The following ZNF385D variants were observed in gnomAD, a reference collection of about 807,000 sequenced individuals.
ZNF385D encodes the protein zinc finger protein 659.
ZNF385D carries 15 observed loss-of-function variants against 35.8 expected under a neutral mutation model. The ratio of observed to expected loss-of-function variants is 0.42; its 90% CI spans 0.28 to 0.64. The LOEUF (loss-of-function observed/expected upper bound fraction) is 0.64. ZNF385D is among the 30% of genes least tolerant of loss of function. ZNF385D has a pLI of 0.23. For missense variants in ZNF385D, 474 were observed against 494.6 expected (o/e 0.96, Z 0.39); for synonymous variants, 212 against 186.8 (o/e 1.13, Z -1.10).
intron 3 of ZNF385D, among the ~76,000 whole-genome samples, chr3:22,039,269 AAAAAG>A (rs540361314): frequency 0.056 from 7,830 of 140,182 alleles, 318 homozygotes; most frequent in African/African-American, 0.11. Context: ...AAAAAAAAAA[AAAAAG>A]AGTCTATGTA....
chr3:22,288,401 C>A (rs1250300231), intron 2 of ZNF385D, among the ~76,000 whole-genome samples: 1 of 151,752 alleles, frequency 6.6e-6, no homozygotes, highest in African/African-American at 2.4e-5. Flanking sequence ...TTGACCGTTT[C>A]CCATAATTTT....
At chr3:21,592,000 T>TC in intron 2 of ZNF385D, among the ~76,000 whole-genome samples, 1 of 152,266 alleles carries the variant, frequency 6.6e-6, no homozygotes, top group Non-Finnish European at 1.5e-5. Context: ...AACCCAATAC[T>TC]CCCGTTACTA....
chr3:21,998,992 G>A (rs960065138), intron 3 of ZNF385D, among the ~76,000 whole-genome samples: 4 of 152,104 alleles, frequency 2.6e-5, no homozygotes, highest in Admixed American at 6.5e-5. Context: ...GCATCCAATT[G>A]AGATAGTTTA....
At chr3:21,980,022 A>G (rs1272269879) in intron 3 of ZNF385D, among the ~76,000 whole-genome samples, 1 of 152,200 alleles carries the variant, frequency 6.6e-6, no homozygotes, top group Admixed American at 6.6e-5. Context: ...ACTAGGCCAT[A>G]AAAGGCATTG....
intron 3 of ZNF385D, among the ~76,000 whole-genome samples, chr3:21,930,920 A>G (rs576287665): frequency 6.6e-6 from 1 of 152,272 alleles, no homozygotes; most frequent in South Asian, 2.1e-4. Context: ...TTTCTTATAT[A>G]TAACATTAAA....
intron 3 of ZNF385D, among the ~76,000 whole-genome samples, chr3:21,857,115 G>A (rs901287545): frequency 2.0e-5 from 3 of 151,984 alleles, no homozygotes; most frequent in Non-Finnish European, 2.9e-5. Flanking sequence ...CCTGATCTCA[G>A]CCCTCACCAA....
intron 2 of ZNF385D, among the ~76,000 whole-genome samples, chr3:21,576,477 T>C (rs996035512): frequency 1.3e-5 from 2 of 152,186 alleles, no homozygotes; most frequent in African/African-American, 4.8e-5. Context: ...CTCATGCAAA[T>C]TACATTTAAC....
chr3:22,144,638 T>C (rs1342128597), intron 3 of ZNF385D, among the ~76,000 whole-genome samples: 2 of 140,040 alleles, frequency 1.4e-5, no homozygotes, highest in South Asian at 4.6e-4. Flanking sequence ...TTTTAGTGAA[T>C]AGCAAATTTA....
At chr3:21,834,249 G>A (rs980294216) in intron 3 of ZNF385D, among the ~76,000 whole-genome samples, 3 of 151,994 alleles carry the variant, frequency 2.0e-5, no homozygotes, top group African/African-American at 4.8e-5. Context: ...CCCAGTCCAC[G>A]AGACTCAGAG....
At position 21,706,741 on chromosome 3, in the gene ZNF385D, G is replaced by C. The variant is rs1209387614; in HGVS notation, c.23-41713C>G. On this transcript the variant is annotated intron_variant, in intron 1 of 7. Coordinates refer to ENST00000281523, the MANE Select transcript of ZNF385D (RefSeq NM_024697.3). ...CATGTACATGAAGGCATCTGTTAAG[G>C]TAACAGAGCACCACATCACCTAACA... Among the ~76,000 whole-genome samples, 3 of 152,074 alleles carry C rather than the reference G, an allele frequency of 2.0e-5. No individual in the cohort carries two copies. The South Asian group carries it at 6.2e-4, about 32-fold the overall frequency.
chr3:22,021,239 G>A (rs771773831), intron 3 of ZNF385D, among the ~76,000 whole-genome samples: 1 of 151,704 alleles, frequency 6.6e-6, no homozygotes, highest in Admixed American at 6.6e-5. Flanking sequence ...ACTTGTACCT[G>A]AAAACTTTAT....
chr3:21,936,564 A>T (rs1193493990), intron 3 of ZNF385D, among the ~76,000 whole-genome samples: 3 of 152,022 alleles, frequency 2.0e-5, no homozygotes, highest in East Asian at 3.9e-4. Flanking sequence ...ATCATAATTT[A>T]TAATTATATA....
intron 3 of ZNF385D, chr3:22,134,116 A>G (rs1703964417): frequency 6.6e-6 from 1 of 152,158 alleles, no homozygotes; most frequent in African/African-American, 2.4e-5. Context: ...AATTGCCTAA[A>G]TACACCAACA....
At chr3:21,902,926 T>G (rs1035310214) in intron 3 of ZNF385D, among the ~76,000 whole-genome samples, 3 of 152,146 alleles carry the variant, frequency 2.0e-5, no homozygotes, top group African/African-American at 7.2e-5. Flanking sequence ...TTGATAGACT[T>G]TCAGTGGTCT....
At chr3:22,314,688 A>G (rs961718281) in intron 2 of ZNF385D, among the ~76,000 whole-genome samples, 1 of 152,114 alleles carries the variant, frequency 6.6e-6, no homozygotes, top group African/African-American at 2.4e-5. Context: ...ACAAATTTCT[A>G]CTTTCTTGGG....
chr3:21,642,465 T>C (rs1327669411), intron 2 of ZNF385D, among the ~76,000 whole-genome samples: 1 of 152,028 alleles, frequency 6.6e-6, no homozygotes, highest in Non-Finnish European at 1.5e-5. Flanking sequence ...GCCTCAGCTC[T>C]CCTTTTAGGC....
At chr3:21,914,094 A>C (rs887584887) in intron 3 of ZNF385D, among the ~76,000 whole-genome samples, 1 of 152,060 alleles carries the variant, frequency 6.6e-6, no homozygotes, top group Non-Finnish European at 1.5e-5. Context: ...TCACAGGGAG[A>C]CACATGTAGC....
intron 3 of ZNF385D, among the ~76,000 whole-genome samples, chr3:21,960,203 T>TAAACACACACACACAC (rs111918437): frequency 6.7e-6 from 1 of 149,372 alleles, no homozygotes; most frequent in African/African-American, 2.5e-5. Context: ...TAAACAGCAA[T>TAAACACACACACACAC]ACACACACAC....
chr3:21,510,221 T>A (rs1175457315), intron 4 of ZNF385D, among the ~76,000 whole-genome samples: 1 of 152,142 alleles, frequency 6.6e-6, no homozygotes, highest in African/African-American at 2.4e-5. Context: ...TCCCCTATTA[T>A]GAATAAGCTG....
Sources: allele counts gnomAD v4.1 joint callset (sites outside exome capture counted in the v4.1 genomes callset), GRCh38; gene constraint gnomAD v4.1.1; transcripts MANE v1.5; gene names NCBI Gene and HGNC (gene_info 2026-07-23, HGNC 2026-07-21).